Variants in NTRK2 observed in about 807,000 individuals in gnomAD.
NTRK2 encodes BDNF/NT-3 growth factors receptor.
NTRK2 carries 13 observed loss-of-function variants against 94.5 expected under a neutral mutation model. The ratio of observed to expected loss-of-function variants is 0.14; its 90% CI spans 0.09 to 0.22. The LOEUF (loss-of-function observed/expected upper bound fraction) is 0.22. NTRK2 is among the 10% of genes least tolerant of loss of function. NTRK2 has a pLI of 1.00. For synonymous variants in NTRK2, 372 were observed against 407.4 expected (o/e 0.91, Z 1.05); for missense variants, 639 against 1,071.2 (o/e 0.60, Z 5.63).
chr9:84,983,121 C>T (rs146884993), intron 17 of NTRK2, among the ~76,000 whole-genome samples: 136 of 152,294 alleles, frequency 8.9e-4, no homozygotes, highest in Non-Finnish European at 2.9e-4. Flanking sequence ...TCAGCATCCT[C>T]GGTTCTAGTC....
At position 84,693,374 on chromosome 9, in the gene NTRK2, C is replaced by T. The variant is rs1200423236; in HGVS notation, c.213-8785C>T. Among the ~76,000 whole-genome samples, 7 of 151,960 alleles carry T rather than the reference C, an allele frequency of 4.6e-5. No homozygotes were observed. The East Asian group carries it at 9.7e-4, about 21-fold the overall frequency. On this transcript the variant is annotated intron_variant, in intron 2 of 18. Coordinates refer to ENST00000277120, the MANE Select transcript of NTRK2 (RefSeq NM_006180.6). ...AAGAAAATGTTAAGTTTTTTTTTCT[C>T]ATCATAAATTTTGGTGGTCCCTGTT... is the stretch of plus-strand genomic sequence containing the variant.
chr9:84,744,979 G>C lies in NTRK2; in HGVS notation c.1202G>C (p.Gly401Ala). 6.2e-7 allele frequency: 1 copy of C among 1,612,918 alleles called. No homozygotes were observed. Among genetic ancestry groups the C allele is most frequent in the Non-Finnish European group, 8.5e-7 (1 of 1,179,180 alleles). ...NYPDVIYEDY[G>A]TAANDIGDTT... Reference sequence around the variant, plus strand: ...CCCCCTTTGCCCACTTAAGATTATGGAACTGCAGCGAATGACATCGGGGAC... The same window carrying C: ...CCCCCTTTGCCCACTTAAGATTATGCAACTGCAGCGAATGACATCGGGGAC... The change falls in exon 11 of 19, where the codon GGA (glycine) becomes GCA (alanine). Residue 401 changes from glycine (G) to alanine (A), a missense_variant. By Grantham distance (60) the Gly-to-Ala change is moderately conservative. This residue lies in a region of NTRK2 where 343 missense variants were observed against 571.5 expected (regional missense o/e 0.60). Transcript: ENST00000277120.
At position 85,003,633 on chromosome 9, in the gene NTRK2, T is replaced by A. The variant is rs190933693; in HGVS notation, c.2173-16573T>A. On this transcript the variant is annotated intron_variant, in intron 17 of 18. Coordinates refer to ENST00000277120, the MANE Select transcript of NTRK2 (RefSeq NM_006180.6). ...TTCCGAGTACAGTGGAAGATGCTGA[T>A]GAATTGTAAGCAGGGGAGTGATGAG... Among the ~76,000 whole-genome samples the A allele has an allele frequency of 4.6e-3, 702 of 152,182 alleles. 4 individuals carry two copies. Among genetic ancestry groups the A allele is most frequent in the Non-Finnish European group, 5.1e-3 (344 of 68,020 alleles).
intron 12 of NTRK2, among the ~76,000 whole-genome samples, chr9:84,789,446 G>A (rs754801315): frequency 2.6e-4 from 40 of 152,182 alleles, no homozygotes; most frequent in Non-Finnish European, 4.3e-4. Context: ...GCCCTCAGAG[G>A]CAGCTGCCTA....
intron 14 of NTRK2, among the ~76,000 whole-genome samples, chr9:84,913,064 A>C (rs2077290474): frequency 6.6e-6 from 1 of 152,170 alleles, no homozygotes; most frequent in African/African-American, 2.4e-5. Flanking sequence ...GTTAGGGCTT[A>C]AGTTTGCCAT....
intron 14 of NTRK2, among the ~76,000 whole-genome samples, chr9:84,901,194 G>GTTTTATTTTA (rs1339278155): frequency 0.11 from 6,971 of 63,322 alleles, 256 homozygotes; most frequent in Admixed American, 0.23. Flanking sequence ...GTTTTGTTTT[G>GTTTTATTTTA]TTTTGTTTTG....
chr9:84,978,605 A>G (rs1827194217), intron 17 of NTRK2, among the ~76,000 whole-genome samples: 1 of 152,200 alleles, frequency 6.6e-6, no homozygotes, highest in African/African-American at 2.4e-5. Flanking sequence ...GTTACCCAGA[A>G]GCTCTAGCTA....
chr9:84,945,286 C>G (rs1381667652), intron 15 of NTRK2, among the ~76,000 whole-genome samples: 3 of 152,158 alleles, frequency 2.0e-5, no homozygotes, highest in Non-Finnish European at 4.4e-5. Context: ...CTTCGTGTAT[C>G]AGGGGTTCTT....
At position 85,022,880 on chromosome 9, in the gene NTRK2, C is replaced by A. The variant is rs1832851744; in HGVS notation, c.*1443C>A. The A allele has an allele frequency of 4.3e-6, 1 of 233,080 alleles. No homozygotes were observed. Among genetic ancestry groups the A allele is most frequent in the African/African-American group, 2.2e-5 (1 of 45,290 alleles). 14.4% of individuals were successfully genotyped at this position (233,080 alleles called of 1,614,324 possible). A position where few individuals can be genotyped will look rare whatever the true frequency, so the allele number is the denominator to read the frequency against. Reference sequence around the variant, plus strand: ...GACTGTGGGAAGGGCAGAATCAATCCCTAAGGGAAAGGAAACCTCACCCTG... The same window carrying A: ...GACTGTGGGAAGGGCAGAATCAATCACTAAGGGAAAGGAAACCTCACCCTG... On this transcript the variant is annotated 3_prime_UTR_variant, in exon 19 of 19. Coordinates refer to ENST00000277120, the MANE Select transcript of NTRK2 (RefSeq NM_006180.6).
chr9:84,706,271 A>T (rs529996064), intron 4 of NTRK2, among the ~76,000 whole-genome samples: 2 of 152,034 alleles, frequency 1.3e-5, no homozygotes, highest in Admixed American at 6.6e-5. Flanking sequence ...TGGAGATCTT[A>T]ATATAGAATT....
intron 14 of NTRK2, among the ~76,000 whole-genome samples, chr9:84,883,020 G>C (rs1372576528): frequency 1.3e-5 from 2 of 152,144 alleles, no homozygotes; most frequent in Non-Finnish European, 2.9e-5. Context: ...GCCCGCCTCA[G>C]CCTCTCAAAG....
chr9:84,898,058 G>GTTT (rs397965892), intron 14 of NTRK2, among the ~76,000 whole-genome samples: 1 of 141,992 alleles, frequency 7.0e-6, no homozygotes. Context: ...ATCTGCCACT[G>GTTT]TTTTTTTTTT....
chr9:85,009,747 A>C (rs1468745302), intron 17 of NTRK2, among the ~76,000 whole-genome samples: 1 of 152,194 alleles, frequency 6.6e-6, no homozygotes, highest in Admixed American at 6.5e-5. Context: ...TGTTACATAT[A>C]TCAGAGATAG....
intron 15 of NTRK2, among the ~76,000 whole-genome samples, chr9:84,943,340 T>C (rs1001772681): frequency 2.0e-5 from 3 of 152,232 alleles, no homozygotes; most frequent in Non-Finnish European, 4.4e-5. Context: ...TTCATATGAA[T>C]TTTGATTTTT....
At chr9:84,853,403 C>T (rs2074884188) in intron 12 of NTRK2, among the ~76,000 whole-genome samples, 1 of 152,182 alleles carries the variant, frequency 6.6e-6, no homozygotes, top group Non-Finnish European at 1.5e-5. Context: ...ACACTACTGC[C>T]TGGAGTGCTG....
chr9:84,669,679 G>T (rs1383425332), upstream of NTRK2: 1 of 153,070 alleles, frequency 6.5e-6, no homozygotes, highest in Non-Finnish European at 1.5e-5. This position sits in a 1 kb window ranked among gnomAD's most constrained non-coding sequence, Gnocchi z 4.1. Context: ...TTGGATTTCA[G>T]ACTAATTTTC....
intron 12 of NTRK2, among the ~76,000 whole-genome samples, chr9:84,807,092 G>A (rs758012566): frequency 2.0e-5 from 3 of 152,144 alleles, no homozygotes; most frequent in East Asian, 3.9e-4. Flanking sequence ...TCTTTCTTCC[G>A]TTCCCTTCAC....
rs77326675 is a variant in NTRK2 at position 84,761,127 on chromosome 9, C to T, written c.1396+9042C>T. The stretch of plus-strand genomic sequence containing the variant: ...GGCCTTTTCTGTGATCATCTGGGAA[C>T]TTTAGTGGCCTGAGGACAAAGAGAA... On this transcript the variant is annotated intron_variant, in intron 12 of 18. Coordinates refer to ENST00000277120, the MANE Select transcript of NTRK2 (RefSeq NM_006180.6). 2.6e-5 allele frequency among the ~76,000 whole-genome samples: 4 copies of T among 152,142 alleles called. No individual in the cohort carries two copies. In the East Asian group the frequency reaches 7.7e-4, roughly 29 times the overall value.
At chr9:84,806,474 G>C (rs1054174343) in intron 12 of NTRK2, among the ~76,000 whole-genome samples, 4 of 152,156 alleles carry the variant, frequency 2.6e-5, no homozygotes, top group Non-Finnish European at 4.4e-5. Context: ...AGAGAAGAAA[G>C]GACCAGGACC....
Sources: gnomAD v4.1 joint callset for allele counts (sites outside exome capture counted in the v4.1 genomes callset) on GRCh38, gnomAD v4.1.1 for gene constraint, gnomAD v4.1.1 regional missense constraint, Gnocchi (gnomAD v3.1) non-coding constraint, MANE v1.5 for transcripts, NCBI Gene and HGNC (gene_info 2026-07-23, HGNC 2026-07-21) for gene names.